The following CAPN2 variants were observed in gnomAD, a reference collection of about 807,000 sequenced individuals.
CAPN2 encodes calpain 2.
In CAPN2, 92 loss-of-function variants were observed where a neutral mutation model predicts 102.3. That is an observed-to-expected ratio of 0.90 (90% CI 0.76 to 1.07). The LOEUF (loss-of-function observed/expected upper bound fraction) is 1.07. Among genes scored for constraint, CAPN2 ranks in the 50% least tolerant of loss-of-function variants. CAPN2 has a pLI of 0.00. For missense variants in CAPN2, 800 were observed against 909.4 expected, an observed-to-expected ratio of 0.88 and a Z score of 1.55; for synonymous variants, 340 against 355.4, an observed-to-expected ratio of 0.96 and a Z score of 0.49.
chr1:223,750,838 A>G (rs1278464203), intron 6 of CAPN2, 52 bp from the exon 7 acceptor site: 1 of 1,515,170 alleles, frequency 6.6e-7, no homozygotes, highest in Non-Finnish European at 9.0e-7. Flanking sequence ...AAGCCTTCAT[A>G]GCCCTGACTT....
chr1:223,729,457 A>G (rs1008168088), intron 2 of CAPN2, among the ~76,000 whole-genome samples: 2 of 152,198 alleles, frequency 1.3e-5, no homozygotes, highest in Non-Finnish European at 2.9e-5. Context: ...TTCTGAGCCA[A>G]ATATGAGTGA....
At chr1:223,758,793 C>T (rs895531189) in intron 11 of CAPN2, 11 of 204,138 alleles carry the variant, frequency 5.4e-5, no homozygotes, top group East Asian at 1.2e-4. Context: ...CTCAGACTCA[C>T]GTGAGCCTCC....
chr1:223,758,294 G>A (rs1661089948), intron 11 of CAPN2: 1 of 152,248 alleles, frequency 6.6e-6, no homozygotes, highest in South Asian at 2.1e-4. Context: ...CCTGGTCCAA[G>A]GTCACGATTA....
At chr1:223,748,927 C>T in intron 5 of CAPN2, 112 bp from the exon 6 acceptor site, 1 of 949,498 alleles carries the variant, frequency 1.1e-6, no homozygotes, top group Non-Finnish European at 1.7e-6. Flanking sequence ...AGGCCTCGGC[C>T]GCTGCGCTAG....
At chr1:223,750,999 GC>G in intron 7 of CAPN2, 24 bp downstream of exon 7, 1 of 1,541,396 alleles carries the variant, frequency 6.5e-7, no homozygotes. Flanking sequence ...AGGCCTCGGG[GC>G]CCCAGGCGGG....
At chr1:223,729,472 A>G (rs4653792) in intron 2 of CAPN2, among the ~76,000 whole-genome samples, 150,626 of 152,310 alleles carry the variant, frequency 0.99, 74,497 homozygotes, top group East Asian at 1. Context: ...GAGTGACCAA[A>G]GCCTGTGACA....
At chr1:223,722,989 GA>G (rs1366831647) in intron 2 of CAPN2, among the ~76,000 whole-genome samples, 3 of 152,160 alleles carry the variant, frequency 2.0e-5, no homozygotes, top group Non-Finnish European at 4.4e-5. Flanking sequence ...GGGGAATATT[GA>G]TCAGAGATTT....
At chr1:223,767,172 C>CTTTA (rs149877521) in intron 16 of CAPN2, among the ~76,000 whole-genome samples, 28 of 150,688 alleles carry the variant, frequency 1.9e-4, no homozygotes, top group Non-Finnish European at 2.7e-4. Context: ...TCGTCGTCTT[C>CTTTA]TTTATTTATT....
rs28739574 is a variant in CAPN2, at chr1:223,750,332, A to G, written c.814-558A>G. 5.9e-3 allele frequency among the ~76,000 whole-genome samples: 904 copies of G among 152,318 alleles called. 6 individuals carry two copies. The highest frequency in any genetic ancestry group is 0.02 in the South Asian group (96 of 4,824). On this transcript the variant is annotated intron_variant, in intron 6 of 20. Transcript: ENST00000295006. ...ACACTTCCCTCCTCAATACTTCAGC[A>G]TTTATTCCCTATGAATAAGGACATT...
upstream of CAPN2, among the ~76,000 whole-genome samples, chr1:223,708,156 A>T (rs1558377161): frequency 6.6e-6 from 1 of 152,226 alleles, no homozygotes; most frequent in African/African-American, 2.4e-5. Flanking sequence ...CTCTGGACTC[A>T]GAGTCCAGAG....
chr1:223,745,616 T>C (rs3738375), intron 4 of CAPN2, among the ~76,000 whole-genome samples, 177 bp downstream of exon 4: 35,874 of 152,130 alleles, frequency 0.24, 7,224 homozygotes, highest in African/African-American at 0.55. Context: ...ACTAAAAATA[T>C]AAAAATCAGT....
chr1:223,723,687 G>C (rs1660117324), intron 2 of CAPN2, among the ~76,000 whole-genome samples: 1 of 152,092 alleles, frequency 6.6e-6, no homozygotes, highest in South Asian at 2.1e-4. Context: ...ACAGGTCCAG[G>C]TGAACTGCTA....
chr1:223,755,520 G>A lies in CAPN2; in HGVS notation c.1176G>A (p.Glu392=), dbSNP rs772880870. 3.1e-6 allele frequency: 5 copies of A among 1,614,160 alleles called. No homozygotes were observed. Among genetic ancestry groups the A allele is most frequent in the Non-Finnish European group, 4.2e-6 (5 of 1,180,040 alleles). ...ACCCTCAGTACCTGATCAAGCTGGA[G>A]GAGGAGGATGAGGACGAGGAGGATG... is the stretch of plus-strand genomic sequence containing the variant. ...WMNPQYLIKL[E]EEDEDEEDGE... is the part of the protein sequence containing the mutation. The change falls in exon 10 of 21, where the codon GAG becomes GAA. Residue 392 remains glutamate, a synonymous_variant. Coordinates refer to ENST00000295006, the MANE Select transcript of CAPN2 (RefSeq NM_001748.5). This position sits in a 1 kb window ranked among gnomAD's most constrained non-coding sequence, Gnocchi z 4.1.
Position 223,759,274 on chromosome 1 carries a change from G to T in CAPN2, c.1322G>T (p.Ser441Ile). The T allele has an allele frequency of 6.2e-7, 1 of 1,614,032 alleles. No individual in the cohort carries two copies. The highest frequency in any genetic ancestry group is 8.5e-7 in the Non-Finnish European group (1 of 1,179,896). Residue 441 changes from serine to isoleucine, a missense_variant, in exon 12 of 21, where the codon AGT becomes ATT. Physicochemically the swap from Ser to Ile is moderately radical, Grantham distance 142 (BLOSUM62 -2). Transcript: ENST00000295006. The surrounding 1 kb of genome is among the most constrained non-coding windows in gnomAD (Gnocchi z 4.6). ...GTTTCTCTATTTATTCCTCAGTTAA[G>T]TGGGCAGACCAACATCCACCTCAGC... ...FGIYEVPEEL[S>I]GQTNIHLSKN... is the part of the protein sequence containing the mutation.
In CAPN2 at chr1:223,774,414, G is replaced by C. The variant is rs552572467; in HGVS notation, c.2080-420G>C. 3.3e-5 allele frequency among the ~76,000 whole-genome samples: 5 copies of C among 152,302 alleles called. No homozygotes were observed. In the South Asian group the frequency reaches 1.0e-3, roughly 32 times the overall value. ...AGCTTTGCCAAAGTGCTGGTGTCCT[G>C]TCTGTATCCCAGACCAGTTGAATCA... On this transcript the variant is annotated intron_variant, in intron 20 of 20. Coordinates refer to ENST00000295006, the MANE Select transcript of CAPN2 (RefSeq NM_001748.5).
chr1:223,755,674 C>T lies in CAPN2; in HGVS notation c.1305+25C>T. ...GGTGCAGAGCGCAGGGGCTCCTGCC[C>T]TCCCTTCCCCATGTGTTCATCTCAG... On this transcript the variant is annotated intron_variant, in intron 10 of 20. Coordinates refer to ENST00000295006, the MANE Select transcript of CAPN2 (RefSeq NM_001748.5). This position sits in a 1 kb window ranked among gnomAD's most constrained non-coding sequence, Gnocchi z 4.1. The T allele has an allele frequency of 1.3e-6, 2 of 1,536,018 alleles. No individual in the cohort carries two copies. The highest frequency in any genetic ancestry group is 1.4e-5 in the African/African-American group (1 of 72,222).
intron 2 of CAPN2, among the ~76,000 whole-genome samples, chr1:223,733,611 A>G (rs962874941): frequency 1.1e-4 from 16 of 152,206 alleles, no homozygotes; most frequent in Admixed American, 7.2e-4. Context: ...TGGGTCCCCA[A>G]GAAAGGCAGC....
intron 2 of CAPN2, among the ~76,000 whole-genome samples, chr1:223,721,198 A>G (rs1660042606): frequency 6.6e-6 from 1 of 152,214 alleles, no homozygotes; most frequent in South Asian, 2.1e-4. Flanking sequence ...GAATTGATTC[A>G]GCAGAGAAAA....
chr1:223,755,338 CT>C lies in CAPN2; in HGVS notation c.1136-141del, dbSNP rs888519200. 8.0e-6 allele frequency: 6 copies of C among 750,488 alleles called. No individual in the cohort carries two copies. In the African/African-American group the frequency reaches 8.9e-5, roughly 11 times the overall value. The allele number at this position is 750,488 out of a possible 1,614,324, so 46.5% of individuals were successfully genotyped here. A position where few individuals can be genotyped will look rare whatever the true frequency, so the allele number is the denominator to read the frequency against. The stretch of plus-strand genomic sequence containing the variant: ...GCCATCTCCCACCATCCCCCACCAC[CT>C]CTTACCATCTCCCACCACCTCCCAC... On this transcript the variant is annotated intron_variant, in intron 9 of 20. Coordinates refer to ENST00000295006, the MANE Select transcript of CAPN2 (RefSeq NM_001748.5). This position sits in a 1 kb window ranked among gnomAD's most constrained non-coding sequence, Gnocchi z 4.1.
Sources: allele counts gnomAD v4.1 joint callset (sites outside exome capture counted in the v4.1 genomes callset), GRCh38; gene constraint gnomAD v4.1.1; non-coding constraint Gnocchi (gnomAD v3.1); transcripts MANE v1.5; gene names NCBI Gene and HGNC (gene_info 2026-07-23, HGNC 2026-07-21).